PDE1C: variants seen among roughly 807,000 people sequenced by gnomAD.
PDE1C encodes phosphodiesterase 1C, also known as dual specificity calcium/calmodulin-dependent 3',5'-cyclic nucleotide phosphodiesterase 1C.
PDE1C carries 62 observed loss-of-function variants against 93.1 expected under a neutral mutation model. The ratio of observed to expected loss-of-function variants is 0.67; its 90% CI spans 0.54 to 0.82. The LOEUF (loss-of-function observed/expected upper bound fraction) is 0.82, where lower values mean the gene tolerates loss of function less well. Ranked by LOEUF, PDE1C falls within the 40% of genes least tolerant of loss-of-function variation. The pLI is 0.00. For synonymous variants in PDE1C, 325 were observed against 310.1 expected, an observed-to-expected ratio of 1.05 and a Z score of -0.50; for missense variants, 742 against 884.6, an observed-to-expected ratio of 0.84 and a Z score of 2.04.
intron 2 of PDE1C, among the ~76,000 whole-genome samples, chr7:31,950,737 T>C (rs1315269440): frequency 6.6e-6 from 1 of 152,178 alleles, no homozygotes; most frequent in East Asian, 1.9e-4. Context: ...ACAAGACCAA[T>C]CCACAGTGAA....
the PDE1C span, among the ~76,000 whole-genome samples, chr7:31,709,649 T>G: frequency 6.6e-6 from 1 of 152,072 alleles, no homozygotes; most frequent in Non-Finnish European, 1.5e-5. Flanking sequence ...TACAGAATGG[T>G]GAGAGGCAAA....
At chr7:32,083,664 T>C (rs935634002) in intron 3 of PDE1C, among the ~76,000 whole-genome samples, 1 of 152,146 alleles carries the variant, frequency 6.6e-6, no homozygotes, top group African/African-American at 2.4e-5. Context: ...CTGCAGAATC[T>C]CTACAAGCCA....
intron 3 of PDE1C, among the ~76,000 whole-genome samples, chr7:32,094,812 C>G (rs1797664502): frequency 6.6e-6 from 1 of 152,124 alleles, no homozygotes; most frequent in African/African-American, 2.4e-5. Context: ...TTGCCTTGAC[C>G]CCCACCTTCT....
At chr7:32,393,048 C>CAAAAAAAAA (rs35905868) in intron 1 of PDE1C, among the ~76,000 whole-genome samples, 1 of 48,508 alleles carries the variant, frequency 2.1e-5, no homozygotes. Context: ...GACTCTGTCT[C>CAAAAAAAAA]AAAAAAAAAA....
intron 1 of PDE1C, among the ~76,000 whole-genome samples, chr7:32,335,112 G>A (rs1360462092): frequency 6.6e-6 from 1 of 152,160 alleles, no homozygotes; most frequent in Non-Finnish European, 1.5e-5. Flanking sequence ...CTGTTTGCAA[G>A]TGATTATATG....
intron 3 of PDE1C, among the ~76,000 whole-genome samples, chr7:32,105,797 A>G: frequency 6.6e-6 from 1 of 150,548 alleles, no homozygotes. Flanking sequence ...AAGTGCTGGG[A>G]TTACAGGCGT....
intron 2 of PDE1C, among the ~76,000 whole-genome samples, chr7:31,895,797 G>A (rs1799235196): frequency 6.6e-6 from 1 of 152,074 alleles, no homozygotes; most frequent in African/African-American, 2.4e-5. Flanking sequence ...ATAAAGAGCA[G>A]TTCCCCTGCA....
At chr7:32,081,718 G>T (rs1173029975) in intron 3 of PDE1C, among the ~76,000 whole-genome samples, 1 of 152,176 alleles carries the variant, frequency 6.6e-6, no homozygotes, top group Non-Finnish European at 1.5e-5. Flanking sequence ...TTTAATGCAT[G>T]ACCTTTTCAA....
At chr7:31,737,617 C>T in the PDE1C span, among the ~76,000 whole-genome samples, 3 of 151,892 alleles carry the variant, frequency 2.0e-5, no homozygotes, top group African/African-American at 7.3e-5. Flanking sequence ...GCCTGGCAAA[C>T]ATGGTGAAAT....
intron 3 of PDE1C, among the ~76,000 whole-genome samples, chr7:32,090,470 C>T (rs1797411267): frequency 6.6e-6 from 1 of 152,206 alleles, no homozygotes; most frequent in South Asian, 2.1e-4. Context: ...TTTCTTCTCA[C>T]CACCCAGGAA....
the PDE1C span, among the ~76,000 whole-genome samples, chr7:31,675,747 T>G: frequency 2.0e-5 from 3 of 151,982 alleles, no homozygotes; most frequent in East Asian, 5.8e-4. Context: ...TAAAAATGTG[T>G]GCTAAATTTA....
chr7:32,328,066 G>A (rs368436615), intron 1 of PDE1C, among the ~76,000 whole-genome samples: 3 of 152,210 alleles, frequency 2.0e-5, no homozygotes, highest in South Asian at 2.1e-4. Flanking sequence ...CATATATTCA[G>A]GAGAGGAATT....
chr7:31,830,305 T>C (rs1206119465), intron 11 of PDE1C, among the ~76,000 whole-genome samples: 1 of 152,098 alleles, frequency 6.6e-6, no homozygotes, highest in East Asian at 1.9e-4. Context: ...TAGCTTAAAA[T>C]TATTCATACA....
intron 2 of PDE1C, among the ~76,000 whole-genome samples, chr7:32,172,342 C>T (rs991533104): frequency 4.0e-5 from 6 of 151,722 alleles, no homozygotes; most frequent in Non-Finnish European, 5.9e-5. Context: ...AACAAATTTA[C>T]GAGAAAAAAA....
At chr7:31,929,376 C>T (rs559354302) in intron 2 of PDE1C, among the ~76,000 whole-genome samples, 13 of 152,200 alleles carry the variant, frequency 8.5e-5, no homozygotes, top group South Asian at 6.2e-4. Context: ...TCAGACAGAT[C>T]GATGAGACAG....
intron 2 of PDE1C, among the ~76,000 whole-genome samples, chr7:31,909,549 G>T (rs113238284): frequency 8.5e-5 from 13 of 152,156 alleles, no homozygotes; most frequent in African/African-American, 2.9e-4. Context: ...TCATGCCAGA[G>T]ATTATCAATT....
At chr7:31,990,338 T>C (rs1021021990) in intron 2 of PDE1C, among the ~76,000 whole-genome samples, 2 of 152,230 alleles carry the variant, frequency 1.3e-5, no homozygotes, top group Admixed American at 6.5e-5. Context: ...CTTTCTTTCC[T>C]GCTGCCATGT....
At chr7:32,270,525 G>A (rs1470574888) in intron 1 of PDE1C, among the ~76,000 whole-genome samples, 2 of 152,168 alleles carry the variant, frequency 1.3e-5, no homozygotes, top group Admixed American at 6.5e-5. Flanking sequence ...TAGAAAAGGA[G>A]GTTGGTTTCC....
chr7:32,156,026 C>G (rs1277940007), intron 3 of PDE1C, among the ~76,000 whole-genome samples: 1 of 152,220 alleles, frequency 6.6e-6, no homozygotes, highest in African/African-American at 2.4e-5. Flanking sequence ...AACTGCCTCC[C>G]CCAACCCATT....
Sources: allele counts gnomAD v4.1 joint callset (sites outside exome capture counted in the v4.1 genomes callset), GRCh38; gene constraint gnomAD v4.1.1; transcripts MANE v1.5; gene names NCBI Gene and HGNC (gene_info 2026-07-23, HGNC 2026-07-21).